SKA3: variants seen among roughly 807,000 people sequenced by gnomAD.
The protein encoded by SKA3 is spindle and kinetochore associated complex subunit 3.
A neutral mutation model predicts 44.2 loss-of-function variants in SKA3; 39 were observed. The observed-to-expected ratio is 0.88, with a 90% CI of 0.68 to 1.15. The LOEUF (loss-of-function observed/expected upper bound fraction) is 1.15, where lower values mean the gene tolerates loss of function less well. Ranked by LOEUF, SKA3 falls within the 50% of genes most tolerant of loss-of-function variation. SKA3 has a pLI of 0.00. For missense variants in SKA3, 511 were observed against 485.8 expected (o/e 1.05, Z -0.49); for synonymous variants, 192 against 172.0 (o/e 1.12, Z -0.91).
At chr13:21,173,937 A>G (rs991465294) in intron 1 of SKA3, among the ~76,000 whole-genome samples, 1 of 152,174 alleles carries the variant, frequency 6.6e-6, no homozygotes, top group Admixed American at 6.5e-5. Context: ...TTCCAACATG[A>G]TTTTTACAGT....
rs1389758270 is a variant in SKA3 at position 21,176,540 on chromosome 13, C to G, written c.-63G>C. On this transcript the variant is annotated 5_prime_UTR_variant, in exon 1 of 9. Coordinates refer to ENST00000314759, the MANE Select transcript of SKA3 (RefSeq NM_145061.6). ...ACCCCACCGCTCAGCTCACAGCCTC[C>G]CGCCACTAGTTTGAATCTCGGCGCC... The G allele has an allele frequency of 1.0e-6, 1 of 985,212 alleles. No homozygotes were observed. The highest frequency in any genetic ancestry group is 1.7e-5 in the African/African-American group (1 of 60,026). 61.0% of individuals were successfully genotyped at this position (985,212 alleles called of 1,614,324 possible). A position where few individuals can be genotyped will look rare whatever the true frequency, so the allele number is the denominator to read the frequency against.
intron 4 of SKA3, among the ~76,000 whole-genome samples, 187 bp downstream of exon 4, chr13:21,167,801 A>G (rs377630194): frequency 4.4e-4 from 67 of 151,814 alleles, no homozygotes; most frequent in African/African-American, 1.5e-3. Context: ...CCAAAAAAAA[A>G]CTTATTGATG....
At position 21,154,498 on chromosome 13, in the gene SKA3, TAA is replaced by T. The variant is rs1282854944; in HGVS notation, c.*650_*651del. 6.5e-6 allele frequency: 1 copy of T among 153,210 alleles called. No individual in the cohort carries two copies. The highest frequency in any genetic ancestry group is 1.5e-5 in the Non-Finnish European group (1 of 68,816). The allele number at this position is 153,210 out of a possible 1,614,324, so 9.5% of individuals were successfully genotyped here. A position where few individuals can be genotyped will look rare whatever the true frequency, so the allele number is the denominator to read the frequency against. On this transcript the variant is annotated 3_prime_UTR_variant, in exon 9 of 9. Coordinates refer to ENST00000314759, the MANE Select transcript of SKA3 (RefSeq NM_145061.6). ...TGCCATGTGATAGAAAGAGCTGACA[TAA>T]GAGAAAAGACCCCCACACAGTGAAA...
rs117050266 is a variant in SKA3, at chr13:21,158,844, T to C, written c.916-719A>G. 7.7e-3 allele frequency among the ~76,000 whole-genome samples: 1,168 copies of C among 152,238 alleles called. 10 individuals are homozygous for C. The highest frequency in any genetic ancestry group is 0.017 in the South Asian group (84 of 4,822). On this transcript the variant is annotated intron_variant, in intron 6 of 8. Coordinates refer to ENST00000314759, the MANE Select transcript of SKA3 (RefSeq NM_145061.6). ...AGATTATTCATGCTAAATCAGCCAATTGGGTAAGTCGCTTCATCTCTCTCA... is the reference window on the plus strand; with the variant it reads ...AGATTATTCATGCTAAATCAGCCAACTGGGTAAGTCGCTTCATCTCTCTCA...
At chr13:21,160,578 AATC>A (rs1272853166) in intron 5 of SKA3, among the ~76,000 whole-genome samples, 2 of 152,174 alleles carry the variant, frequency 1.3e-5, no homozygotes, top group Admixed American at 6.5e-5. Context: ...GAAGTCTAAA[AATC>A]ATCAAGTACT....
In SKA3 at chr13:21,161,876, CTGG is replaced by C; in HGVS notation, c.744-4_744-2del. 6.2e-7 allele frequency: 1 copy of C among 1,601,770 alleles called. No individual in the cohort carries two copies. The highest frequency in any genetic ancestry group is 8.5e-7 in the Non-Finnish European group (1 of 1,172,474). On this transcript the variant is annotated splice_acceptor_variant and splice_polypyrimidine_tract_variant and intron_variant, in intron 4 of 8. Coordinates refer to ENST00000314759, the MANE Select transcript of SKA3 (RefSeq NM_145061.6). LOFTEE classifies it high-confidence loss of function. ...GGATTCTGTATCTATGGCCTCCTCA[CTGG>C]TGTGATTCATAGGGAAATTACAAGG...
chr13:21,176,417 C>A lies in SKA3; in HGVS notation c.61G>T (p.Glu21Ter). The A allele has an allele frequency of 6.3e-7, 1 of 1,585,048 alleles. No individual in the cohort carries two copies. The highest frequency in any genetic ancestry group is 1.4e-5 in the African/African-American group (1 of 72,962). Residue 21 changes from glutamate (E) to a stop codon, truncating the protein, a stop_gained, in exon 1 of 9, where the codon GAG (glutamate) becomes TAG (stop). Transcript: ENST00000314759. LOFTEE classifies it high-confidence loss of function. ...LRSLASTLDC[E>*]TARLQRALDG... ...AGCGCTCGCTGCAGCCGGGCCGTCT[C>A]GCAGTCCAGCGTGCTGGCCAGAGAC...
At position 21,159,893 on chromosome 13, in the gene SKA3, GAAAGTTACC is replaced by G. The variant is rs1414887157; in HGVS notation, c.915_915+8del. 1 of 1,192,536 alleles carries G rather than the reference GAAAGTTACC, an allele frequency of 8.4e-7. No homozygotes were observed. The highest frequency in any genetic ancestry group is 1.1e-6 in the Non-Finnish European group (1 of 898,120). The allele number at this position is 1,192,536 out of a possible 1,614,324, so 73.9% of individuals were successfully genotyped here. ...AAAGACTGTGGCTTTCAATTTTATG[GAAAGTTACC>G]AAAGCTATGCTGTTCTTTGTAGATG... On this transcript the variant is annotated splice_donor_variant and splice_donor_5th_base_variant and coding_sequence_variant and intron_variant, in exon 6 of 9. Transcript: ENST00000314759. LOFTEE classifies it high-confidence loss of function.
chr13:21,172,281 C>CATGCT (rs1871093427), intron 3 of SKA3, 58 bp downstream of exon 3: 1 of 1,009,004 alleles, frequency 9.9e-7, no homozygotes, highest in African/African-American at 1.7e-5. Flanking sequence ...TTGTCTTAAT[C>CATGCT]ATGCTGCCTT....
chr13:21,167,636 T>G (rs1027840046), intron 4 of SKA3, among the ~76,000 whole-genome samples: 1 of 151,770 alleles, frequency 6.6e-6, no homozygotes, highest in African/African-American at 2.4e-5. Flanking sequence ...GCGTGGTGGC[T>G]GGCGCCTGTA....
chr13:21,165,556 T>C (rs1870663836), intron 4 of SKA3, among the ~76,000 whole-genome samples: 1 of 152,188 alleles, frequency 6.6e-6, no homozygotes, highest in African/African-American at 2.4e-5. Context: ...GTGATTTTCT[T>C]GAGTTGCCTA....
intron 4 of SKA3, among the ~76,000 whole-genome samples, chr13:21,166,688 G>A (rs552824250): frequency 2.3e-4 from 35 of 152,256 alleles, no homozygotes; most frequent in African/African-American, 7.0e-4. Context: ...AGCTGAGATC[G>A]AGCCATTGCA....
chr13:21,161,925 T>C, intron 4 of SKA3, 50 bp from the exon 5 acceptor site: 1 of 1,221,036 alleles, frequency 8.2e-7, no homozygotes, highest in Non-Finnish European at 1.1e-6. Context: ...TAACATTCAA[T>C]CTCTGGGAAA....
chr13:21,175,150 G>GT (rs1227301534), intron 1 of SKA3, among the ~76,000 whole-genome samples: 4 of 150,706 alleles, frequency 2.7e-5, no homozygotes, highest in Non-Finnish European at 5.9e-5. Context: ...TAATTGTTTT[G>GT]TATTTTTAGT....
At chr13:21,155,925 C>T (rs963180852) in intron 7 of SKA3, 114 bp from the exon 8 acceptor site, 6 of 535,594 alleles carry the variant, frequency 1.1e-5, no homozygotes, top group Admixed American at 3.0e-5. Context: ...TGGTGGCTCA[C>T]GCCTGCAGTT....
At chr13:21,174,704 C>T (rs1303891819) in intron 1 of SKA3, among the ~76,000 whole-genome samples, 2 of 151,944 alleles carry the variant, frequency 1.3e-5, no homozygotes, top group Non-Finnish European at 2.9e-5. Context: ...ACGTTGTGCA[C>T]ATGTACCCTA....
At chr13:21,173,965 G>C (rs974582984) in intron 1 of SKA3, among the ~76,000 whole-genome samples, 1 of 152,158 alleles carries the variant, frequency 6.6e-6, no homozygotes, top group Admixed American at 6.6e-5. Context: ...CCCACCAGCA[G>C]TGCATAAGAA....
In SKA3 at chr13:21,154,979, TATTGAA is replaced by T; in HGVS notation, c.*165_*170del. ...TGTCAACAAGACTAAGGTTAAACCT[TATTGAA>T]ACTTCATAAAAAGCATATTATGATG... On this transcript the variant is annotated 3_prime_UTR_variant, in exon 9 of 9. Transcript: ENST00000314759. The T allele has an allele frequency of 9.0e-7, 1 of 1,115,878 alleles. No homozygotes were observed. Among genetic ancestry groups the T allele is most frequent in the Non-Finnish European group, 1.3e-6 (1 of 765,476 alleles). 69.1% of individuals were successfully genotyped at this position (1,115,878 alleles called of 1,614,324 possible). A position where few individuals can be genotyped will look rare whatever the true frequency, so the allele number is the denominator to read the frequency against.
intron 4 of SKA3, among the ~76,000 whole-genome samples, chr13:21,167,049 T>G (rs1343377407): frequency 6.6e-6 from 1 of 152,240 alleles, no homozygotes; most frequent in Non-Finnish European, 1.5e-5. Context: ...ACCATTTCCA[T>G]GCTAATGACT....
Sources: gnomAD v4.1 joint callset for allele counts (sites outside exome capture counted in the v4.1 genomes callset) on GRCh38, gnomAD v4.1.1 for gene constraint, MANE v1.5 for transcripts, NCBI Gene and HGNC (gene_info 2026-07-23, HGNC 2026-07-21) for gene names.